LRP1B: variants seen among roughly 807,000 people sequenced by gnomAD.
The protein encoded by LRP1B is low-density lipoprotein receptor-related protein 1B.
LRP1B carries 217 observed loss-of-function variants against 556.6 expected under a neutral mutation model. The observed-to-expected ratio is 0.39, with a 90% CI of 0.35 to 0.44. The LOEUF (loss-of-function observed/expected upper bound fraction) is 0.44, where lower values mean the gene tolerates loss of function less well. Among genes scored for constraint, LRP1B ranks in the 20% least tolerant of loss-of-function variants. LRP1B has a pLI of 1.00. For synonymous variants in LRP1B, 2,047 were observed against 1,865.8 expected, an observed-to-expected ratio of 1.10 and a Z score of -2.50; for missense variants, 5,053 against 5,620.8, an observed-to-expected ratio of 0.90 and a Z score of 3.23.
At chr2:140,536,324 A>G (rs1303806644) in intron 46 of LRP1B, among the ~76,000 whole-genome samples, 1 of 146,886 alleles carries the variant, frequency 6.8e-6, no homozygotes, top group African/African-American at 2.6e-5. Context: ...AAAAAAAAAA[A>G]AAAAAAAAAA....
chr2:140,239,099 T>C (rs575358101), intron 88 of LRP1B, among the ~76,000 whole-genome samples: 2 of 151,002 alleles, frequency 1.3e-5, no homozygotes, highest in African/African-American at 2.4e-5. Context: ...GTATTGACAT[T>C]ACTAATCATA....
chr2:140,974,800 G>C (rs1696542624), intron 18 of LRP1B, among the ~76,000 whole-genome samples: 1 of 152,200 alleles, frequency 6.6e-6, no homozygotes, highest in Non-Finnish European at 1.5e-5. Flanking sequence ...TATAATAGGG[G>C]AGTACTGCAC....
chr2:141,029,156 T>C (rs922241498), intron 11 of LRP1B, among the ~76,000 whole-genome samples: 1 of 152,016 alleles, frequency 6.6e-6, no homozygotes, highest in African/African-American at 2.4e-5. Context: ...AAAGAGGATA[T>C]TGGAGAAGAG....
At chr2:142,103,351 T>C (rs923533842) in intron 1 of LRP1B, among the ~76,000 whole-genome samples, 5 of 151,992 alleles carry the variant, frequency 3.3e-5, no homozygotes, top group African/African-American at 7.2e-5. Context: ...GTTAACTCAA[T>C]GTATATATAC....
At chr2:140,560,857 A>G (rs1280783627) in intron 43 of LRP1B, among the ~76,000 whole-genome samples, 1 of 152,216 alleles carries the variant, frequency 6.6e-6, no homozygotes, top group African/African-American at 2.4e-5. Flanking sequence ...AAAGGCAATT[A>G]CATGAGGAAA....
intron 2 of LRP1B, among the ~76,000 whole-genome samples, chr2:141,493,189 T>G (rs531044817): frequency 2.0e-5 from 3 of 152,266 alleles, no homozygotes; most frequent in South Asian, 2.1e-4. Context: ...ACGCTATTAT[T>G]TGAATTTAGA....
At chr2:141,332,177 C>T (rs1687679492) in intron 3 of LRP1B, among the ~76,000 whole-genome samples, 1 of 151,880 alleles carries the variant, frequency 6.6e-6, no homozygotes, top group South Asian at 2.1e-4. Context: ...ACAGATGCAA[C>T]TATGTCTACC....
chr2:140,996,922 C>T (rs577076607), intron 15 of LRP1B, among the ~76,000 whole-genome samples: 100 of 151,924 alleles, frequency 6.6e-4, no homozygotes, highest in Admixed American at 2.0e-4. Context: ...ACTGAATCTA[C>T]ATAGCACTTG....
At chr2:142,015,991 C>CAAAAAAAA (rs70994471) in intron 1 of LRP1B, among the ~76,000 whole-genome samples, 17,041 of 38,446 alleles carry the variant, frequency 0.44, 6,456 homozygotes, top group East Asian at 0.56. Context: ...GACTCCATCT[C>CAAAAAAAA]AAAAAAAAAA....
intron 2 of LRP1B, among the ~76,000 whole-genome samples, chr2:141,696,622 C>T (rs191295260): frequency 2.1e-4 from 32 of 152,026 alleles, no homozygotes; most frequent in African/African-American, 7.5e-4. Context: ...CTACAACATT[C>T]TATTTTGAAA....
At chr2:141,058,732 C>T (rs1023959003) in intron 9 of LRP1B, 151 bp downstream of exon 9, 1 of 480,492 alleles carries the variant, frequency 2.1e-6, no homozygotes, top group Non-Finnish European at 3.5e-6. Context: ...GTGACGGGAG[C>T]TCTATTCCAT....
At chr2:140,971,706 C>T (rs928329450) in intron 18 of LRP1B, among the ~76,000 whole-genome samples, 5 of 152,006 alleles carry the variant, frequency 3.3e-5, no homozygotes, top group Admixed American at 6.6e-5. Context: ...TGGTGGCGGG[C>T]GCCTGTAGTC....
intron 2 of LRP1B, among the ~76,000 whole-genome samples, chr2:141,529,940 C>A (rs1431434332): frequency 6.6e-6 from 1 of 152,086 alleles, no homozygotes. Flanking sequence ...AAAACTACTG[C>A]ATAAGATCTC....
intron 84 of LRP1B, among the ~76,000 whole-genome samples, chr2:140,283,059 T>C (rs1045207165): frequency 6.6e-6 from 1 of 151,798 alleles, no homozygotes; most frequent in African/African-American, 2.4e-5. Context: ...ATAAGAGCAA[T>C]TGTGGACTTT....
chr2:141,088,013 A>T (rs1371032846), intron 7 of LRP1B, among the ~76,000 whole-genome samples: 2 of 152,232 alleles, frequency 1.3e-5, no homozygotes, highest in Non-Finnish European at 2.9e-5. Context: ...GTGGTTTTCT[A>T]TTCTAAATCC....
Position 142,112,415 on chromosome 2 carries a change from G to A in LRP1B, c.82+18233C>T, listed in dbSNP as rs951914038. ...ATAATGTGTGATCCATGATTATGTA[G>A]TAGTTAAAAGGAAAAAAATGTTTTA... On this transcript the variant is annotated intron_variant, in intron 1 of 90. Coordinates refer to ENST00000389484, the MANE Select transcript of LRP1B (RefSeq NM_018557.3). Among the ~76,000 whole-genome samples, 3 of 151,796 alleles carry A rather than the reference G, an allele frequency of 2.0e-5. No homozygotes were observed. The East Asian group carries it at 5.8e-4, about 29-fold the overall frequency.
At chr2:141,806,021 T>C (rs1438996810) in intron 2 of LRP1B, among the ~76,000 whole-genome samples, 3 of 152,082 alleles carry the variant, frequency 2.0e-5, no homozygotes, top group Non-Finnish European at 4.4e-5. Flanking sequence ...GGAAGAAGTT[T>C]GAATAGCATG....
At chr2:140,913,035 TAATATG>T (rs1175457328) in intron 21 of LRP1B, among the ~76,000 whole-genome samples, 7 of 151,786 alleles carry the variant, frequency 4.6e-5, no homozygotes, top group Non-Finnish European at 8.9e-5. Context: ...ATAATAATAT[TAATATG>T]AAGTAAATCT....
intron 43 of LRP1B, among the ~76,000 whole-genome samples, chr2:140,542,421 A>G (rs1056769016): frequency 3.3e-5 from 5 of 152,118 alleles, no homozygotes; most frequent in East Asian, 1.9e-4. Flanking sequence ...AGTTCACCGC[A>G]TGAGTGACTA....
Sources: allele counts gnomAD v4.1 joint callset (sites outside exome capture counted in the v4.1 genomes callset), GRCh38; gene constraint gnomAD v4.1.1; transcripts MANE v1.5; gene names NCBI Gene and HGNC (gene_info 2026-07-23, HGNC 2026-07-21).